The following KLHL8 variants were observed in gnomAD, a reference collection of about 807,000 sequenced individuals.
KLHL8 encodes kelch like family member 8.
In KLHL8, 38 loss-of-function variants were observed where a neutral mutation model predicts 63.5. That is an observed-to-expected ratio of 0.60 (90% CI 0.46 to 0.78). The LOEUF is 0.78. Among genes scored for constraint, KLHL8 ranks in the 30% least tolerant of loss-of-function variants. The pLI is 0.00. For synonymous variants in KLHL8, 224 were observed against 254.3 expected, an observed-to-expected ratio of 0.88 and a Z score of 1.13; for missense variants, 566 against 752.4, an observed-to-expected ratio of 0.75 and a Z score of 2.90.
upstream of KLHL8, chr4:87,220,745 G>A (rs1261433477): frequency 6.6e-6 from 1 of 152,300 alleles, no homozygotes; most frequent in African/African-American, 2.4e-5. Flanking sequence ...CGGGTCTCAG[G>A]GACTGGGCAG....
At chr4:87,183,669 T>TA (rs1731140395) in intron 3 of KLHL8, among the ~76,000 whole-genome samples, 1 of 152,200 alleles carries the variant, frequency 6.6e-6, no homozygotes. Flanking sequence ...TCGGTTTAAA[T>TA]AGGCTTTATA....
intron 1 of KLHL8, among the ~76,000 whole-genome samples, chr4:87,206,728 T>G (rs1475182801): frequency 6.6e-6 from 1 of 152,258 alleles, no homozygotes; most frequent in African/African-American, 2.4e-5. Context: ...GAGGGAATGA[T>G]GTCAAGGCCC....
At chr4:87,216,253 G>A (rs1260346949) in intron 1 of KLHL8, among the ~76,000 whole-genome samples, 1 of 152,140 alleles carries the variant, frequency 6.6e-6, no homozygotes, top group African/African-American at 2.4e-5. Flanking sequence ...TTCATATGAA[G>A]GTAGTGTATC....
intron 4 of KLHL8, 81 bp from the exon 5 acceptor site, chr4:87,178,701 G>A (rs1730931396): frequency 1.5e-6 from 2 of 1,367,472 alleles, no homozygotes; most frequent in South Asian, 1.6e-5. Context: ...TTGGATAAAA[G>A]CAAAAAGACA....
chr4:87,224,147 C>T (rs1394530521), upstream of KLHL8, among the ~76,000 whole-genome samples: 3 of 152,214 alleles, frequency 2.0e-5, no homozygotes, highest in East Asian at 1.9e-4. Flanking sequence ...CTGCAACCTC[C>T]GTCTCCCAGG....
chr4:87,167,726 G>A, intron 8 of KLHL8: 1 of 364,584 alleles, frequency 2.7e-6, no homozygotes, highest in South Asian at 2.6e-5. Flanking sequence ...TGACTGGAAG[G>A]AGCTATGATC....
intron 2 of KLHL8, among the ~76,000 whole-genome samples, chr4:87,194,421 C>T (rs35659998): frequency 0.14 from 21,244 of 152,234 alleles, 1,934 homozygotes; most frequent in Non-Finnish European, 0.2. Flanking sequence ...GTTATAATCC[C>T]AGCTTTTTGG....
intron 1 of KLHL8, among the ~76,000 whole-genome samples, chr4:87,217,376 C>T (rs913107152): frequency 6.6e-6 from 1 of 152,032 alleles, no homozygotes; most frequent in African/African-American, 2.4e-5. Context: ...CTCTGTCACC[C>T]AGGCTGGAGT....
chr4:87,229,239 G>C (rs940612471), intron 1 of KLHL8, among the ~76,000 whole-genome samples: 2 of 152,098 alleles, frequency 1.3e-5, no homozygotes, highest in African/African-American at 4.8e-5. Context: ...ACTACACAGA[G>C]ACTCTGCCTT....
At chr4:87,219,982 G>A (rs1312437638) in intron 1 of KLHL8, 1 of 152,160 alleles carries the variant, frequency 6.6e-6, no homozygotes, top group Non-Finnish European at 1.5e-5. Flanking sequence ...CCGGGGCCCC[G>A]AACCCGCGCC....
At chr4:87,186,738 C>CCAAAG (rs1731273779) in intron 2 of KLHL8, among the ~76,000 whole-genome samples, 1 of 152,058 alleles carries the variant, frequency 6.6e-6, no homozygotes. Flanking sequence ...CTTTGGCCTC[C>CCAAAG]CAAAGTGCTA....
intron 8 of KLHL8, chr4:87,167,172 C>A: frequency 1.9e-6 from 1 of 523,886 alleles, no homozygotes; most frequent in South Asian, 1.6e-5. Context: ...AGAAAGGAAA[C>A]ATTACACTGT....
intron 1 of KLHL8, among the ~76,000 whole-genome samples, chr4:87,236,685 G>A (rs76146239): frequency 1.8e-5 from 1 of 55,542 alleles, no homozygotes; most frequent in Non-Finnish European, 3.2e-5. Flanking sequence ...TTTTTTTTTA[G>A]ATGGAGTCTC....
chr4:87,202,033 T>A (rs1321781985), intron 1 of KLHL8, among the ~76,000 whole-genome samples: 3 of 150,448 alleles, frequency 2.0e-5, no homozygotes, highest in Non-Finnish European at 4.4e-5. Flanking sequence ...TGGCATGAAA[T>A]CGGGAGGCGG....
intron 7 of KLHL8, 63 bp from the exon 8 acceptor site, chr4:87,170,301 G>C: frequency 6.6e-7 from 1 of 1,518,226 alleles, no homozygotes; most frequent in Non-Finnish European, 8.9e-7. Flanking sequence ...TTGTTTTAAT[G>C]GTAAATTAGA....
intron 5 of KLHL8, 103 bp downstream of exon 5, chr4:87,178,374 T>C: frequency 8.2e-7 from 1 of 1,221,356 alleles, no homozygotes. Context: ...TAAAAATAAT[T>C]TACAATTTAG....
At chr4:87,193,124 T>C (rs564249580) in intron 2 of KLHL8, among the ~76,000 whole-genome samples, 141 of 152,332 alleles carry the variant, frequency 9.3e-4, no homozygotes, top group Non-Finnish European at 1.8e-3. Context: ...CTGTGACTTT[T>C]TCCATAAACT....
chr4:87,206,285 T>G (rs1460350961), intron 1 of KLHL8, among the ~76,000 whole-genome samples: 1 of 152,218 alleles, frequency 6.6e-6, no homozygotes, highest in Non-Finnish European at 1.5e-5. Flanking sequence ...TCAATAAACA[T>G]CTCTCAAGGA....
At chr4:87,221,514 A>T (rs1265151489), upstream of KLHL8, 1 of 152,096 alleles carries the variant, frequency 6.6e-6, no homozygotes, top group Non-Finnish European at 1.5e-5. Context: ...CAGCAAAAAA[A>T]CAAAATTTTT....
Sources: gnomAD v4.1 joint callset for allele counts (sites outside exome capture counted in the v4.1 genomes callset) on GRCh38, gnomAD v4.1.1 for gene constraint, MANE v1.5 for transcripts, NCBI Gene and HGNC (gene_info 2026-07-23, HGNC 2026-07-21) for gene names.